The following ZNF521 variants were observed in gnomAD, a reference collection of about 807,000 sequenced individuals.
ZNF521 encodes LYST-interacting protein 3.
ZNF521 carries 14 observed loss-of-function variants against 105.5 expected under a neutral mutation model. The ratio of observed to expected loss-of-function variants is 0.13; its 90% CI spans 0.09 to 0.21. The LOEUF is 0.21. ZNF521 is among the 10% of genes least tolerant of loss of function. The pLI is 1.00. For synonymous variants in ZNF521, 635 were observed against 606.0 expected (o/e 1.05, Z -0.70); for missense variants, 1,233 against 1,629.7 (o/e 0.76, Z 4.19).
At chr18:25,212,899 C>T (rs2036217401) in intron 4 of ZNF521, among the ~76,000 whole-genome samples, 1 of 151,146 alleles carries the variant, frequency 6.6e-6, no homozygotes, top group Non-Finnish European at 1.5e-5. Context: ...TGATTTGGTA[C>T]CCAGCAACTT....
intron 5 of ZNF521, among the ~76,000 whole-genome samples, chr18:25,105,267 T>C (rs901981128): frequency 6.6e-6 from 1 of 152,160 alleles, no homozygotes; most frequent in Non-Finnish European, 1.5e-5. Context: ...AGAAATTCTA[T>C]CTTAAACTGA....
At chr18:25,310,126 G>C (rs1392575298) in intron 3 of ZNF521, among the ~76,000 whole-genome samples, 1 of 152,064 alleles carries the variant, frequency 6.6e-6, no homozygotes, top group Admixed American at 6.6e-5. Context: ...CAACATGTCT[G>C]AGGTCATCAA....
chr18:25,180,531 A>C (rs1394328817), intron 5 of ZNF521, among the ~76,000 whole-genome samples: 1 of 151,102 alleles, frequency 6.6e-6, no homozygotes, highest in African/African-American at 2.4e-5. Context: ...AAAACCCCAC[A>C]TTTATTTCCA....
chr18:25,142,672 T>A (rs759626092), intron 5 of ZNF521, among the ~76,000 whole-genome samples: 1 of 152,104 alleles, frequency 6.6e-6, no homozygotes, highest in Non-Finnish European at 1.5e-5. Flanking sequence ...GCCAGCTCAC[T>A]ACAAAATGCC....
chr18:25,160,012 A>G (rs907665615), intron 5 of ZNF521, among the ~76,000 whole-genome samples: 9 of 152,236 alleles, frequency 5.9e-5, no homozygotes, highest in Admixed American at 5.2e-4. Context: ...AAAATGCTTA[A>G]GGAAATACTT....
chr18:25,350,236 G>A (rs551294801), intron 2 of ZNF521, among the ~76,000 whole-genome samples: 1 of 152,262 alleles, frequency 6.6e-6, no homozygotes, highest in Admixed American at 6.5e-5. Flanking sequence ...AGGACTCCAG[G>A]GGCGGCGGGG....
chr18:25,170,869 G>A (rs2035437681), intron 5 of ZNF521, among the ~76,000 whole-genome samples: 1 of 152,052 alleles, frequency 6.6e-6, no homozygotes, highest in Non-Finnish European at 1.5e-5. Flanking sequence ...GCATTTATGA[G>A]TTAAAAATTT....
chr18:25,263,695 C>T (rs1180191164), intron 3 of ZNF521, among the ~76,000 whole-genome samples: 1 of 152,178 alleles, frequency 6.6e-6, no homozygotes. Context: ...CCTGCGTCAG[C>T]GTCCTGAATA....
chr18:25,153,627 T>G (rs534904788), intron 5 of ZNF521, among the ~76,000 whole-genome samples: 1 of 152,170 alleles, frequency 6.6e-6, no homozygotes, highest in Non-Finnish European at 1.5e-5. Flanking sequence ...ACTGCGGATG[T>G]CTCCACAGAG....
chr18:25,084,957 C>T (rs76243021), intron 7 of ZNF521, among the ~76,000 whole-genome samples: 6,778 of 152,242 alleles, frequency 0.045, 204 homozygotes, highest in Non-Finnish European at 0.061. Flanking sequence ...CCATACCATC[C>T]TCTCTCAAAG....
chr18:25,079,181 C>A (rs895309800), intron 7 of ZNF521, among the ~76,000 whole-genome samples: 1 of 152,240 alleles, frequency 6.6e-6, no homozygotes, highest in African/African-American at 2.4e-5. Flanking sequence ...GATTGGCGCT[C>A]ATGCCACTGG....
intron 3 of ZNF521, among the ~76,000 whole-genome samples, chr18:25,263,169 G>A (rs1909025909): frequency 6.6e-6 from 1 of 152,062 alleles, no homozygotes; most frequent in South Asian, 2.1e-4. Flanking sequence ...CTTAGCCCCA[G>A]GACAAAAGTT....
intron 7 of ZNF521, among the ~76,000 whole-genome samples, chr18:25,075,100 G>A (rs993592312): frequency 4.6e-5 from 7 of 152,238 alleles, no homozygotes; most frequent in East Asian, 1.9e-4. Flanking sequence ...AAGGTGAGCC[G>A]TAAACAAGAA....
At chr18:25,194,131 C>G (rs975682660) in intron 5 of ZNF521, among the ~76,000 whole-genome samples, 3 of 151,792 alleles carry the variant, frequency 2.0e-5, no homozygotes, top group East Asian at 1.9e-4. Context: ...CTTATTCCCC[C>G]CTGAAAACAA....
chr18:25,306,222 T>C lies in ZNF521; in HGVS notation c.220+15786A>G, dbSNP rs868593010. 2.1e-4 allele frequency among the ~76,000 whole-genome samples: 32 copies of C among 151,800 alleles called. 2 individuals carry two copies. In the South Asian group the frequency reaches 4.4e-3, roughly 21 times the overall value. On this transcript the variant is annotated intron_variant, in intron 3 of 7. Transcript: ENST00000361524. ...AATTAATTACTACTGAATGATTACA[T>C]TGATTTTTTTTAAGCTAATGGAATT...
At chr18:25,342,476 C>T (rs7241426) in intron 2 of ZNF521, among the ~76,000 whole-genome samples, 69,496 of 146,070 alleles carry the variant, frequency 0.48, 17,598 homozygotes, top group Middle Eastern at 0.52. Context: ...GGCTGGAGCC[C>T]GGAGTGCAGT....
Position 25,286,107 on chromosome 18 carries a change from G to T in ZNF521, c.220+35901C>A, listed in dbSNP as rs28609362. ...CTGGCGACCTGGGGCTGCAGTGCGCGCTCTCAGGGGAGGGCACTTCACCCT... is the reference window on the plus strand; with the variant it reads ...CTGGCGACCTGGGGCTGCAGTGCGCTCTCTCAGGGGAGGGCACTTCACCCT... On this transcript the variant is annotated intron_variant, in intron 3 of 7. Transcript: ENST00000361524. 9.1e-3 allele frequency among the ~76,000 whole-genome samples: 1,393 copies of T among 152,286 alleles called. 6 individuals are homozygous for T. Among genetic ancestry groups the T allele is most frequent in the African/African-American group, 0.012 (478 of 41,544 alleles).
At chr18:25,270,200 C>T (rs183338010) in intron 3 of ZNF521, among the ~76,000 whole-genome samples, 56 of 152,034 alleles carry the variant, frequency 3.7e-4, no homozygotes, top group African/African-American at 1.2e-3. Context: ...GGATAAATTC[C>T]GGGACACAAA....
chr18:25,119,538 T>G (rs7237939), intron 5 of ZNF521, among the ~76,000 whole-genome samples: 104,922 of 151,866 alleles, frequency 0.69, 36,824 homozygotes, highest in African/African-American at 0.8. Context: ...CTCAAATATT[T>G]GGAAATTAAA....
Sources: allele counts gnomAD v4.1 joint callset (sites outside exome capture counted in the v4.1 genomes callset), GRCh38; gene constraint gnomAD v4.1.1; transcripts MANE v1.5; gene names NCBI Gene and HGNC (gene_info 2026-07-23, HGNC 2026-07-21).